GAREM1: variants seen among roughly 807,000 people sequenced by gnomAD.
GAREM1 encodes GRB2-associated and regulator of MAPK protein 1.
GAREM1 carries 26 observed loss-of-function variants against 71.3 expected under a neutral mutation model. That is an observed-to-expected ratio of 0.36 (90% CI 0.27 to 0.51). The LOEUF is 0.51. Among genes scored for constraint, GAREM1 ranks in the 20% least tolerant of loss-of-function variants. The probability of loss-of-function intolerance (pLI) is 0.95; values close to 1 mark genes in which losing one functional copy is unlikely to be tolerated. For synonymous variants in GAREM1, 440 were observed against 433.2 expected, an observed-to-expected ratio of 1.02 and a Z score of -0.20; for missense variants, 1,026 against 1,103.1, an observed-to-expected ratio of 0.93 and a Z score of 0.99.
intron 2 of GAREM1, among the ~76,000 whole-genome samples, chr18:32,370,766 T>C (rs1218519628): frequency 6.6e-6 from 1 of 152,138 alleles, no homozygotes; most frequent in Non-Finnish European, 1.5e-5. Context: ...TTTTTATATA[T>C]ATACAGCCTA....
intron 2 of GAREM1, among the ~76,000 whole-genome samples, chr18:32,358,440 C>T (rs2047827576): frequency 6.6e-6 from 1 of 152,080 alleles, no homozygotes; most frequent in Admixed American, 6.6e-5. Context: ...ACAGACTTCC[C>T]AATCTGGACA....
At chr18:32,292,946 A>G (rs1179778730) in intron 3 of GAREM1, among the ~76,000 whole-genome samples, 1 of 152,188 alleles carries the variant, frequency 6.6e-6, no homozygotes, top group Non-Finnish European at 1.5e-5. Context: ...TTTGTATTGT[A>G]AGATTGAATG....
intron 1 of GAREM1, among the ~76,000 whole-genome samples, chr18:32,418,506 T>C (rs1401838524): frequency 6.6e-6 from 1 of 152,168 alleles, no homozygotes; most frequent in Non-Finnish European, 1.5e-5. Context: ...AACGTGAGCA[T>C]GACATAAAAT....
chr18:32,375,757 T>C (rs1286011820), intron 2 of GAREM1, among the ~76,000 whole-genome samples: 2 of 151,900 alleles, frequency 1.3e-5, no homozygotes, highest in South Asian at 4.2e-4. Flanking sequence ...GCCTCTTCAA[T>C]CCCATCTACA....
chr18:32,429,155 A>C (rs2048601694), intron 1 of GAREM1, among the ~76,000 whole-genome samples: 1 of 152,130 alleles, frequency 6.6e-6, no homozygotes, highest in Non-Finnish European at 1.5e-5. Flanking sequence ...ATCTCCATCA[A>C]TTAAAGGGAA....
At chr18:32,325,513 C>T (rs916537064) in intron 2 of GAREM1, among the ~76,000 whole-genome samples, 5 of 151,988 alleles carry the variant, frequency 3.3e-5, no homozygotes, top group South Asian at 2.1e-4. Context: ...TCAATTGTGC[C>T]GTGAATCTAA....
intron 1 of GAREM1, among the ~76,000 whole-genome samples, chr18:32,458,707 A>G (rs1387635760): frequency 2.0e-5 from 3 of 151,988 alleles, no homozygotes; most frequent in Non-Finnish European, 4.4e-5. Context: ...ACAAAATATG[A>G]TATTATTGGA....
chr18:32,447,138 A>T (rs13380952), intron 1 of GAREM1, among the ~76,000 whole-genome samples: 1 of 151,986 alleles, frequency 6.6e-6, no homozygotes, highest in African/African-American at 2.4e-5. Context: ...TCAAGGCAAT[A>T]ATCACCACCT....
In GAREM1 at chr18:32,385,445, C is replaced by T. The variant is rs113109132; in HGVS notation, c.262+7450G>A. On this transcript the variant is annotated intron_variant, in intron 2 of 5. Transcript: ENST00000269209. ...CTCCTGCCTCTGATCTGATCACCCC[C>T]CTAGGCCCAGCAGCTGTCCCCTCTG... Among the ~76,000 whole-genome samples, 444 of 152,188 alleles carry T rather than the reference C, an allele frequency of 2.9e-3. 3 individuals carry two copies. Among genetic ancestry groups the T allele is most frequent in the African/African-American group, 0.01 (418 of 41,518 alleles).
rs778300861 is a variant in GAREM1, at chr18:32,287,141, G to C, written c.1456C>G (p.Arg486Gly). 2.5e-6 allele frequency: 4 copies of C among 1,614,182 alleles called. No individual in the cohort carries two copies. Among genetic ancestry groups the C allele is most frequent in the Admixed American group, 3.3e-5 (2 of 60,026 alleles). ...NRCDQFRGSVRSKCATSPLPI... is the reference protein window; with the variant it reads ...NRCDQFRGSVGSKCATSPLPI... Reference sequence around the variant, plus strand: ...AGAGGAGAAGTCGCACATTTGGATCGGACAGAACCTCTAAACTGATCACAT... The same window carrying C: ...AGAGGAGAAGTCGCACATTTGGATCCGACAGAACCTCTAAACTGATCACAT... The change falls in exon 4 of 6, where the codon CGA becomes GGA. Residue 486 changes from arginine (R) to glycine (G), a missense_variant. Around this residue, in one of 3 missense-constraint regions of GAREM1, gnomAD observed 636 missense variants for 631.2 expected, o/e 1.01. Coordinates refer to ENST00000269209, the MANE Select transcript of GAREM1 (RefSeq NM_001242409.2). The surrounding 1 kb of genome is among the most constrained non-coding windows in gnomAD (Gnocchi z 5.9).
intron 2 of GAREM1, among the ~76,000 whole-genome samples, chr18:32,346,571 A>G (rs1192918883): frequency 6.6e-6 from 1 of 152,250 alleles, no homozygotes; most frequent in Non-Finnish European, 1.5e-5. Flanking sequence ...AAATTCCAAT[A>G]CAACCAAAGG....
At chr18:32,387,979 C>G (rs1246118240) in intron 2 of GAREM1, among the ~76,000 whole-genome samples, 1 of 152,144 alleles carries the variant, frequency 6.6e-6, no homozygotes, top group Non-Finnish European at 1.5e-5. Flanking sequence ...TACCAAAGAT[C>G]ACAAAGTAAG....
chr18:32,268,360 A>C lies in GAREM1; in HGVS notation c.2142T>G (p.Gly714=), dbSNP rs1567940573. 1 of 1,614,128 alleles carries C rather than the reference A, an allele frequency of 6.2e-7. No individual in the cohort carries two copies. The highest frequency in any genetic ancestry group is 8.5e-7 in the Non-Finnish European group (1 of 1,180,014). ...ESTDVKSLAA[G]VTKQSTSCPA... ...GGCATGACGTACTCTGCTTTGTCAC[A>C]CCAGCTGCAAGAGATTTCACATCTG... The change falls in exon 6 of 6, where the codon GGT becomes GGG. Residue 714 remains glycine (G), a synonymous_variant. Transcript: ENST00000269209.
intron 2 of GAREM1, among the ~76,000 whole-genome samples, chr18:32,356,655 C>T (rs2047809210): frequency 6.6e-6 from 1 of 152,144 alleles, no homozygotes; most frequent in Admixed American, 6.5e-5. Context: ...CCTTCAATCT[C>T]CCCTATGACA....
chr18:32,445,302 T>G (rs1414520392), intron 1 of GAREM1, among the ~76,000 whole-genome samples: 1 of 151,968 alleles, frequency 6.6e-6, no homozygotes, highest in Non-Finnish European at 1.5e-5. Flanking sequence ...GATATATTGC[T>G]TTCACTAAAC....
At chr18:32,308,915 G>A (rs923965055) in intron 3 of GAREM1, among the ~76,000 whole-genome samples, 1 of 150,078 alleles carries the variant, frequency 6.7e-6, no homozygotes, top group Non-Finnish European at 1.5e-5. Context: ...CCAATAAGGG[G>A]CTGTCCTAGG....
intron 1 of GAREM1, among the ~76,000 whole-genome samples, chr18:32,398,281 A>C (rs896814341): frequency 6.6e-6 from 1 of 152,192 alleles, no homozygotes; most frequent in African/African-American, 2.4e-5. Flanking sequence ...AAACACACTC[A>C]AAAGCTAGCA....
At chr18:32,356,706 G>A (rs189181214) in intron 2 of GAREM1, among the ~76,000 whole-genome samples, 1 of 152,230 alleles carries the variant, frequency 6.6e-6, no homozygotes, top group East Asian at 1.9e-4. Flanking sequence ...AGAAATCTGA[G>A]ACTCAGTGGA....
intron 1 of GAREM1, among the ~76,000 whole-genome samples, chr18:32,399,650 C>A (rs1300098982): frequency 6.6e-6 from 1 of 152,242 alleles, no homozygotes; most frequent in Non-Finnish European, 1.5e-5. Flanking sequence ...GAACTACAAA[C>A]CACTGCTCAA....
Sources: allele counts gnomAD v4.1 joint callset (sites outside exome capture counted in the v4.1 genomes callset), GRCh38; gene constraint gnomAD v4.1.1; regional missense constraint gnomAD v4.1.1; non-coding constraint Gnocchi (gnomAD v3.1); transcripts MANE v1.5; gene names NCBI Gene and HGNC (gene_info 2026-07-23, HGNC 2026-07-21).